The following NETO2 variants were observed in gnomAD, a reference collection of about 807,000 sequenced individuals.
NETO2 encodes neuropilin and tolloid-like protein 2.
A neutral mutation model predicts 62.5 loss-of-function variants in NETO2; 28 were observed. That is an observed-to-expected ratio of 0.45 (90% CI 0.33 to 0.61). The LOEUF is 0.61. Ranked by LOEUF, NETO2 falls within the 20% of genes least tolerant of loss-of-function variation. The pLI, the probability that NETO2 is intolerant of heterozygous loss-of-function variation, is 0.02. For missense variants in NETO2, 548 were observed against 643.2 expected, an observed-to-expected ratio of 0.85 and a Z score of 1.60; for synonymous variants, 214 against 219.1, an observed-to-expected ratio of 0.98 and a Z score of 0.21.
At chr16:47,125,239 T>C (rs183631534) in intron 4 of NETO2, among the ~76,000 whole-genome samples, 6 of 152,244 alleles carry the variant, frequency 3.9e-5, no homozygotes, top group Non-Finnish European at 7.3e-5. Context: ...ATCAGTCATT[T>C]TGATATAAAC....
At chr16:47,116,599 G>T (rs888972452) in intron 6 of NETO2, among the ~76,000 whole-genome samples, 2 of 151,908 alleles carry the variant, frequency 1.3e-5, no homozygotes, top group Non-Finnish European at 2.9e-5. Context: ...ATGTCTCTTT[G>T]TCTGTTGGTA....
chr16:47,139,429 T>C (rs1246176213), intron 1 of NETO2, among the ~76,000 whole-genome samples: 2 of 152,186 alleles, frequency 1.3e-5, no homozygotes, highest in East Asian at 3.8e-4. Context: ...CCTTTGTTAG[T>C]AATTAAGTGT....
At chr16:47,128,641 T>TGA (rs1456985994) in intron 3 of NETO2, 68 bp from the exon 4 acceptor site, 19 of 1,530,486 alleles carry the variant, frequency 1.2e-5, no homozygotes, top group Non-Finnish European at 1.7e-5. Flanking sequence ...TTGACACAAA[T>TGA]GAGAAAAGCA....
At chr16:47,099,984 C>T (rs1963507899) in intron 7 of NETO2, among the ~76,000 whole-genome samples, 1 of 152,198 alleles carries the variant, frequency 6.6e-6, no homozygotes, top group African/African-American at 2.4e-5. Context: ...TAGAACTCTT[C>T]AACCCAAATC....
In NETO2 at chr16:47,086,401, T is replaced by C. The variant is rs1963191013; in HGVS notation, c.884-62A>G. 7.4e-6 allele frequency: 8 copies of C among 1,074,836 alleles called. No individual in the cohort carries two copies. The South Asian group carries it at 1.0e-4, about 14-fold the overall frequency. 66.6% of individuals were successfully genotyped at this position (1,074,836 alleles called of 1,614,324 possible). On this transcript the variant is annotated intron_variant, in intron 7 of 8. Transcript: ENST00000562435. ...AGACCACCTGATTTTATTTCATACA[T>C]AACAAATCTGACTTTATAAGAGTAC...
intron 3 of NETO2, 68 bp downstream of exon 3, chr16:47,129,156 A>G (rs1964214458): frequency 2.0e-6 from 3 of 1,484,756 alleles, no homozygotes; most frequent in Non-Finnish European, 2.8e-6. Context: ...TACATAGGTC[A>G]TTTTACCAAC....
chr16:47,103,960 A>G (rs907027735), intron 7 of NETO2, among the ~76,000 whole-genome samples: 5 of 152,236 alleles, frequency 3.3e-5, no homozygotes, highest in African/African-American at 1.2e-4. Context: ...CACTAAGATC[A>G]AGAATAAGAC....
intron 1 of NETO2, among the ~76,000 whole-genome samples, chr16:47,141,904 T>A (rs1207765398): frequency 6.6e-6 from 1 of 152,218 alleles, no homozygotes; most frequent in East Asian, 1.9e-4. Context: ...GCAGAAACGC[T>A]GCAAATCCCT....
At chr16:47,104,155 C>T (rs186824997) in intron 7 of NETO2, among the ~76,000 whole-genome samples, 22 of 152,198 alleles carry the variant, frequency 1.4e-4, no homozygotes, top group Admixed American at 1.4e-3. Flanking sequence ...CCCACACCCC[C>T]GTTAGAGCTA....
chr16:47,140,145 C>T (rs1260018951), intron 1 of NETO2, among the ~76,000 whole-genome samples: 1 of 152,152 alleles, frequency 6.6e-6, no homozygotes, highest in African/African-American at 2.4e-5. Flanking sequence ...CAAGGCCTCC[C>T]ACCAATCACA....
At chr16:47,093,122 G>A (rs1389946439) in intron 7 of NETO2, among the ~76,000 whole-genome samples, 1 of 152,128 alleles carries the variant, frequency 6.6e-6, no homozygotes, top group Non-Finnish European at 1.5e-5. Context: ...ACTCCCTGAT[G>A]CCTGTAAGAT....
intron 1 of NETO2, among the ~76,000 whole-genome samples, chr16:47,143,023 G>C (rs1242816621): frequency 1.3e-5 from 2 of 151,868 alleles, no homozygotes; most frequent in Non-Finnish European, 2.9e-5. Flanking sequence ...GCCCGCAGTG[G>C]TGCCGCAGCC....
intron 6 of NETO2, 121 bp downstream of exon 6, chr16:47,122,536 A>T: frequency 9.7e-7 from 1 of 1,030,476 alleles, no homozygotes; most frequent in Non-Finnish European, 1.4e-6. Context: ...AATACATTTT[A>T]AAAAGTTGCA....
intron 6 of NETO2, 27 bp from the exon 7 acceptor site, chr16:47,109,738 T>C (rs763226040): frequency 1.6e-5 from 23 of 1,470,488 alleles, no homozygotes; most frequent in Non-Finnish European, 2.1e-5. Context: ...AAAACACTGC[T>C]TTTAAAAAGA....
chr16:47,096,867 TG>T (rs1189678768), intron 7 of NETO2, among the ~76,000 whole-genome samples: 1 of 152,156 alleles, frequency 6.6e-6, no homozygotes, highest in African/African-American at 2.4e-5. Context: ...GGTTAGACAG[TG>T]GGTACAGCCC....
At chr16:47,087,678 A>G (rs1193533443) in intron 7 of NETO2, among the ~76,000 whole-genome samples, 1 of 152,238 alleles carries the variant, frequency 6.6e-6, no homozygotes, top group East Asian at 1.9e-4. Flanking sequence ...CACTAAAGGT[A>G]TATGGAATAT....
chr16:47,088,252 C>T (rs954654956), intron 7 of NETO2, among the ~76,000 whole-genome samples: 11 of 152,138 alleles, frequency 7.2e-5, no homozygotes, highest in African/African-American at 2.4e-4. Context: ...ACTACAGGCA[C>T]GTGTCACCAT....
intron 4 of NETO2, 75 bp from the exon 5 acceptor site, chr16:47,122,987 A>G: frequency 7.2e-7 from 1 of 1,391,674 alleles, no homozygotes; most frequent in Non-Finnish European, 1.0e-6. Context: ...CATTACATCT[A>G]ACGTTCCATT....
rs142447252 is a variant in NETO2, at chr16:47,120,649, C to T, written c.654+2008G>A. Among the ~76,000 whole-genome samples the T allele has an allele frequency of 2.6e-4, 40 of 152,272 alleles. 1 individual carries two copies. In the East Asian group the frequency reaches 6.6e-3, roughly 25 times the overall value. Reference sequence around the variant, plus strand: ...AATCATCCCCACATCCTGGCCACTGCCTTCATTCTTAAATGACAATGAACA... The same window carrying T: ...AATCATCCCCACATCCTGGCCACTGTCTTCATTCTTAAATGACAATGAACA... On this transcript the variant is annotated intron_variant, in intron 6 of 8. Transcript: ENST00000562435.
Sources: gnomAD v4.1 joint callset for allele counts (sites outside exome capture counted in the v4.1 genomes callset) on GRCh38, gnomAD v4.1.1 for gene constraint, MANE v1.5 for transcripts, NCBI Gene and HGNC (gene_info 2026-07-23, HGNC 2026-07-21) for gene names.